Variants in CREB3L2 observed in about 807,000 individuals in gnomAD.
CREB3L2 encodes cAMP responsive element binding protein 3 like 2, also known as cyclic AMP-responsive element-binding protein 3-like protein 2.
Under a neutral mutation model 57.2 loss-of-function variants are expected in CREB3L2, and 23 were observed. That is an observed-to-expected ratio of 0.40 (90% confidence interval 0.29 to 0.57). The LOEUF is 0.57. Ranked by LOEUF, CREB3L2 falls within the 20% of genes least tolerant of loss-of-function variation. CREB3L2 has a pLI of 0.42. For missense variants in CREB3L2, 628 were observed against 634.7 expected (o/e 0.99, Z 0.11); for synonymous variants, 268 against 265.1 (o/e 1.01, Z -0.11).
At chr7:137,973,596 A>G (rs1370576152) in intron 1 of CREB3L2, among the ~76,000 whole-genome samples, 1 of 152,216 alleles carries the variant, frequency 6.6e-6, no homozygotes, top group African/African-American at 2.4e-5. Flanking sequence ...ACAAGATCAC[A>G]GTTAGTAAGC....
At chr7:137,892,021 T>A (rs1252141192) in intron 8 of CREB3L2, among the ~76,000 whole-genome samples, 1 of 152,138 alleles carries the variant, frequency 6.6e-6, no homozygotes, top group Non-Finnish European at 1.5e-5. Context: ...CCTTCAGAGA[T>A]GAAGGAACTT....
rs372027874 is a variant in CREB3L2, at chr7:137,913,019, A to G, written c.555T>C (p.Asp185=). 4.3e-5 allele frequency: 69 copies of G among 1,613,928 alleles called. No homozygotes were observed. The highest frequency in any genetic ancestry group is 5.5e-5 in the Non-Finnish European group (65 of 1,179,930). Residue 185 remains aspartate, a synonymous_variant, in exon 4 of 12, where the codon GAT becomes GAC. Transcript: ENST00000330387. ...PKIKLEPHEV[D]QFLNFSPKEA... ...CTTTAGGAGAGAAGTTTAGAAACTG[A>G]TCCACTTCATGAGGCTCCAGCTTAA...
chr7:137,896,280 A>G (rs1799627191), intron 8 of CREB3L2, among the ~76,000 whole-genome samples: 1 of 152,228 alleles, frequency 6.6e-6, no homozygotes, highest in Non-Finnish European at 1.5e-5. Flanking sequence ...CTCTCAAGCC[A>G]AAATACATTA....
rs138740289 is a variant in CREB3L2 at position 137,913,037 on chromosome 7, C to T, written c.537G>A (p.Leu179=). 5.0e-5 allele frequency: 81 copies of T among 1,613,936 alleles called. No individual in the cohort carries two copies. The highest frequency in any genetic ancestry group is 6.8e-5 in the Non-Finnish European group (80 of 1,179,968). The part of the protein sequence containing the change: ...SCQTIIPKIK[L]EPHEVDQFLN... ...GAAACTGATCCACTTCATGAGGCTC[C>T]AGCTTAATTTTAGGAATAATGGTCT... The change falls in exon 4 of 12, where the codon CTG becomes CTA. Residue 179 remains leucine (L), a synonymous_variant. Coordinates refer to ENST00000330387, the MANE Select transcript of CREB3L2 (RefSeq NM_194071.4).
intron 1 of CREB3L2, among the ~76,000 whole-genome samples, chr7:137,962,888 G>A (rs1046707267): frequency 2.0e-5 from 3 of 151,876 alleles, no homozygotes; most frequent in Non-Finnish European, 2.9e-5. Context: ...TTCCATCCTC[G>A]CACTCATCCC....
Position 137,875,764 on chromosome 7 carries a change from C to T in CREB3L2, c.*4712G>A, listed in dbSNP as rs1036260421. 5 of 222,658 alleles carry T rather than the reference C, an allele frequency of 2.2e-5. No homozygotes were observed. The highest frequency in any genetic ancestry group is 1.1e-4 in the Admixed American group (2 of 17,436). The allele number at this position is 222,658 out of a possible 1,614,324, so 13.8% of individuals were successfully genotyped here. On this transcript the variant is annotated 3_prime_UTR_variant, in exon 12 of 12. Transcript: ENST00000330387. ...GTGGTAAAGAGTCACCCTTGTTTTC[C>T]GTATCTATAAAACTGAAAGACTTAA...
intron 1 of CREB3L2, among the ~76,000 whole-genome samples, chr7:137,933,133 T>G (rs968687293): frequency 2.0e-5 from 3 of 152,222 alleles, no homozygotes; most frequent in Admixed American, 2.0e-4. Flanking sequence ...CCTGGTTGCC[T>G]GATGGTGACT....
chr7:137,983,755 G>A (rs1306643340), intron 1 of CREB3L2, among the ~76,000 whole-genome samples: 2 of 152,106 alleles, frequency 1.3e-5, no homozygotes, highest in African/African-American at 4.8e-5. Flanking sequence ...TGTTCTGTCC[G>A]CCCTACTAGG....
At chr7:137,908,580 T>G in intron 4 of CREB3L2, 144 bp from the exon 5 acceptor site, 2 of 473,392 alleles carry the variant, frequency 4.2e-6, no homozygotes, top group Admixed American at 4.4e-5. Context: ...GATATGGGAG[T>G]CCTCCTTTTG....
At chr7:137,944,396 C>A (rs1449817518) in intron 1 of CREB3L2, among the ~76,000 whole-genome samples, 1 of 152,190 alleles carries the variant, frequency 6.6e-6, no homozygotes, top group Non-Finnish European at 1.5e-5. Context: ...GGTCTTCTGG[C>A]TCACAAAAGA....
chr7:137,905,654 G>A (rs1364789658), intron 6 of CREB3L2, 48 bp downstream of exon 6: 3 of 1,600,666 alleles, frequency 1.9e-6, no homozygotes, highest in Non-Finnish European at 2.6e-6. Flanking sequence ...ATGCTGACTC[G>A]ATTCTGCTCG....
At chr7:137,928,388 G>T (rs749703364) in intron 1 of CREB3L2, 22 bp from the exon 2 acceptor site, 50 of 1,593,434 alleles carry the variant, frequency 3.1e-5, no homozygotes, top group Non-Finnish European at 3.8e-5. Flanking sequence ...AAAGGAGGAA[G>T]AACTCAGTTT....
intron 1 of CREB3L2, among the ~76,000 whole-genome samples, chr7:137,960,587 T>C (rs1225409834): frequency 2.0e-5 from 3 of 152,138 alleles, no homozygotes; most frequent in Non-Finnish European, 4.4e-5. Context: ...TGGAAGTATC[T>C]AATAAAAGAC....
At chr7:137,968,781 C>T (rs1801452171) in intron 1 of CREB3L2, among the ~76,000 whole-genome samples, 1 of 152,192 alleles carries the variant, frequency 6.6e-6, no homozygotes, top group African/African-American at 2.4e-5. Context: ...CACCAACTCT[C>T]TATCCCAACT....
intron 1 of CREB3L2, among the ~76,000 whole-genome samples, chr7:137,933,233 A>G (rs34924702): frequency 0.091 from 13,884 of 152,298 alleles, 934 homozygotes; most frequent in Admixed American, 0.22. Flanking sequence ...CGCAAATGCA[A>G]GAGGTAAACC....
At chr7:137,898,715 C>CT (rs1419565128) in intron 8 of CREB3L2, among the ~76,000 whole-genome samples, 3 of 148,938 alleles carry the variant, frequency 2.0e-5, no homozygotes, top group Admixed American at 6.8e-5. Context: ...AAGGACTGTG[C>CT]TAACGGACAC....
chr7:137,948,469 A>C (rs1213319951), intron 1 of CREB3L2, among the ~76,000 whole-genome samples: 2 of 152,234 alleles, frequency 1.3e-5, no homozygotes, highest in Non-Finnish European at 2.9e-5. Context: ...AGTTGGAATA[A>C]AACAAATGTA....
intron 2 of CREB3L2, among the ~76,000 whole-genome samples, chr7:137,924,206 G>A (rs1482771064): frequency 1.3e-5 from 2 of 151,978 alleles, no homozygotes; most frequent in Non-Finnish European, 2.9e-5. Context: ...CATAGTCACG[G>A]TCCTTTGTTC....
intron 5 of CREB3L2, among the ~76,000 whole-genome samples, chr7:137,907,318 A>G (rs1466155502): frequency 6.6e-6 from 1 of 152,220 alleles, no homozygotes; most frequent in East Asian, 1.9e-4. Flanking sequence ...GAGTTCCTCC[A>G]TAAACATGTA....
Sources: allele counts gnomAD v4.1 joint callset (sites outside exome capture counted in the v4.1 genomes callset), GRCh38; gene constraint gnomAD v4.1.1; transcripts MANE v1.5; gene names NCBI Gene and HGNC (gene_info 2026-07-23, HGNC 2026-07-21).